LRRC53: variants seen among roughly 807,000 people sequenced by gnomAD.
LRRC53 encodes the protein leucine-rich repeat-containing protein 53.
A neutral mutation model predicts 13.6 loss-of-function variants in LRRC53; 25 were observed. The observed-to-expected ratio is 1.83, with a 90% CI of 1.34 to 2.56. LRRC53 has a LOEUF of 2.56. Ranked by LOEUF, LRRC53 falls within the 30% of genes most tolerant of loss-of-function variation. LRRC53 has a pLI of 0.00. For synonymous variants in LRRC53, 204 were observed against 109.8 expected, an observed-to-expected ratio of 1.86 and a Z score of -5.37; for missense variants, 527 against 275.8, an observed-to-expected ratio of 1.91 and a Z score of -6.45.
chr1:74,498,209 A>G (rs1335204421), intron 1 of LRRC53, among the ~76,000 whole-genome samples: 1 of 152,202 alleles, frequency 6.6e-6, no homozygotes, highest in Non-Finnish European at 1.5e-5. Context: ...TTATCCTACC[A>G]TCAACCTATC....
At chr1:74,529,617 T>C in the LRRC53 span, among the ~76,000 whole-genome samples, 409 of 152,360 alleles carry the variant, frequency 2.7e-3, 4 homozygotes, top group African/African-American at 9.5e-3. Flanking sequence ...ATTTTGGTTA[T>C]GTAGGAGGAT....
chr1:74,475,605 C>G lies in LRRC53; in HGVS notation c.1110G>C (p.Val370=). Reference sequence around the variant, plus strand: ...AAAGTGGCATTTCTTTTCTGGACCCCACAGTGGACATGACCTTTATCTCGT... The same window carrying G: ...AAAGTGGCATTTCTTTTCTGGACCCGACAGTGGACATGACCTTTATCTCGT... The part of the protein sequence containing the change: ...QENEIKVMST[V]GSRKEMPLLQ... The change falls in exon 4 of 5, where the codon GTG becomes GTC. Residue 370 remains valine (V), a synonymous_variant. Coordinates refer to ENST00000294635, the MANE Select transcript of LRRC53 (RefSeq NM_001382280.1). 1.4e-6 allele frequency: 1 copy of G among 717,254 alleles called. No homozygotes were observed. Among genetic ancestry groups the G allele is most frequent in the Non-Finnish European group, 2.6e-6 (1 of 384,932 alleles). 44.4% of individuals were successfully genotyped at this position (717,254 alleles called of 1,614,324 possible).
the LRRC53 span, among the ~76,000 whole-genome samples, chr1:74,518,282 C>A: frequency 6.6e-6 from 1 of 152,198 alleles, no homozygotes; most frequent in Non-Finnish European, 1.5e-5. Context: ...AGGTCATTAA[C>A]AGAAATTGAA....
upstream of LRRC53, among the ~76,000 whole-genome samples, chr1:74,516,088 G>T (rs935831969): frequency 1.3e-5 from 2 of 152,168 alleles, no homozygotes; most frequent in African/African-American, 4.8e-5. Flanking sequence ...CTTTGAGTTG[G>T]AACTAGGCTG....
intron 1 of LRRC53, among the ~76,000 whole-genome samples, chr1:74,497,873 C>T (rs1200649314): frequency 6.6e-6 from 1 of 152,090 alleles, no homozygotes; most frequent in East Asian, 1.9e-4. Context: ...GTCCGAAATC[C>T]TCAGTGATAC....
the LRRC53 span, among the ~76,000 whole-genome samples, chr1:74,520,368 G>A: frequency 2.0e-5 from 3 of 152,046 alleles, no homozygotes; most frequent in African/African-American, 4.8e-5. Context: ...ACTACTTCGC[G>A]TGAGTTCCAC....
the LRRC53 span, among the ~76,000 whole-genome samples, chr1:74,528,509 A>G: frequency 6.6e-6 from 1 of 152,154 alleles, no homozygotes; most frequent in Admixed American, 6.5e-5. Flanking sequence ...GGGAAAGGGT[A>G]CAACAGCAAT....
At chr1:74,480,010 G>A (rs1162260567) in intron 3 of LRRC53, 143 bp downstream of exon 3, 1 of 603,038 alleles carries the variant, frequency 1.7e-6, no homozygotes, top group East Asian at 2.7e-5. Context: ...TGCCAAATCA[G>A]CTAATATCCT....
intron 1 of LRRC53, among the ~76,000 whole-genome samples, chr1:74,484,537 A>T (rs1429988161): frequency 6.6e-6 from 1 of 152,158 alleles, no homozygotes; most frequent in East Asian, 1.9e-4. Context: ...GATCGCATTG[A>T]CTCGAGGGCT....
intron 4 of LRRC53, among the ~76,000 whole-genome samples, chr1:74,472,659 A>T (rs1667995648): frequency 6.6e-6 from 1 of 152,158 alleles, no homozygotes. Context: ...TTTGACAATG[A>T]AAGGGAAATA....
At chr1:74,484,251 T>C (rs1224054509) in intron 1 of LRRC53, among the ~76,000 whole-genome samples, 1 of 150,310 alleles carries the variant, frequency 6.7e-6, no homozygotes, top group Non-Finnish European at 1.5e-5. Flanking sequence ...AATAAAACCC[T>C]CTACCTATAT....
intron 1 of LRRC53, among the ~76,000 whole-genome samples, chr1:74,500,821 G>A (rs1363856883): frequency 2.0e-5 from 3 of 151,636 alleles, no homozygotes; most frequent in Admixed American, 6.6e-5. Context: ...CTTTGTTGCT[G>A]TTAAAATTTC....
At chr1:74,526,836 A>G in the LRRC53 span, among the ~76,000 whole-genome samples, 1 of 152,176 alleles carries the variant, frequency 6.6e-6, no homozygotes, top group African/African-American at 2.4e-5. Flanking sequence ...AGATTGGTAA[A>G]CTACAGCTCA....
At chr1:74,491,721 A>T (rs566614343) in intron 1 of LRRC53, among the ~76,000 whole-genome samples, 9 of 152,214 alleles carry the variant, frequency 5.9e-5, no homozygotes, top group Non-Finnish European at 1.2e-4. Context: ...AAAGGGAATA[A>T]TTTTAGCTAT....
rs546878965 is a variant in LRRC53, at chr1:74,484,474, T to C, written c.-26-1099A>G. On this transcript the variant is annotated intron_variant, in intron 1 of 4. Transcript: ENST00000294635. ...ATAAACAAATAATATAAAATATGTA[T>C]TAAGTCATATGGTGATAAATGCTCT... is the stretch of plus-strand genomic sequence containing the variant. Among the ~76,000 whole-genome samples the C allele has an allele frequency of 1.8e-3, 277 of 152,286 alleles. 2 individuals carry two copies. The highest frequency in any genetic ancestry group is 0.01 in the Middle Eastern group (3 of 294).
At chr1:74,509,097 A>G (rs1000009318) in intron 1 of LRRC53, among the ~76,000 whole-genome samples, 3 of 152,264 alleles carry the variant, frequency 2.0e-5, no homozygotes, top group Non-Finnish European at 2.9e-5. Flanking sequence ...TCTTCTTTTT[A>G]TCACTTATTC....
rs749359141 is a variant in LRRC53 at position 74,480,939 on chromosome 1, T to C, written c.118A>G (p.Ile40Val). Reference sequence around the variant, plus strand: ...ATAGAGGAGAGATATCCATCGGTGATGATTAAAACCCTCGTGGTCATAGGG... The same window carrying C: ...ATAGAGGAGAGATATCCATCGGTGACGATTAAAACCCTCGTGGTCATAGGG... Reference protein sequence around the residue: ...AAPMTTRVLIITDGYLSSIES... With the variant: ...AAPMTTRVLIVTDGYLSSIES... The change falls in exon 3 of 5, where the codon ATC becomes GTC. Residue 40 changes from isoleucine to valine, a missense_variant. Ile to Val is a conservative substitution (Grantham distance 29). Transcript: ENST00000294635. The C allele has an allele frequency of 2.4e-5, 17 of 716,678 alleles. 1 individual carries two copies. The highest frequency in any genetic ancestry group is 1.9e-4 in the South Asian group (13 of 67,526). The allele number at this position is 716,678 out of a possible 1,614,324, so 44.4% of individuals were successfully genotyped here. A position where few individuals can be genotyped will look rare whatever the true frequency, so the allele number is the denominator to read the frequency against.
At position 74,471,126 on chromosome 1, in the gene LRRC53, A is replaced by G. The variant is rs1299296896; in HGVS notation, c.2496T>C (p.Ile832=). Residue 832 remains isoleucine (I), a synonymous_variant, in exon 5 of 5, where the codon ATT becomes ATC. Transcript: ENST00000294635. ...GCAATTTTGATGTGTTTCCATCAGG[A>G]ATGTGGCCAGCTGAGTAACAGCTGC... ...IESSCYSAGH[I]PDGNTSKLPQ... 2.5e-6 allele frequency: 1 copy of G among 400,596 alleles called. No homozygotes were observed. The highest frequency in any genetic ancestry group is 4.4e-6 in the Non-Finnish European group (1 of 226,222). 24.8% of individuals were successfully genotyped at this position (400,596 alleles called of 1,614,324 possible). A position where few individuals can be genotyped will look rare whatever the true frequency, so the allele number is the denominator to read the frequency against.
the LRRC53 span, among the ~76,000 whole-genome samples, chr1:74,535,726 G>A: frequency 2.6e-5 from 4 of 152,224 alleles, no homozygotes; most frequent in African/African-American, 9.6e-5. Flanking sequence ...GATGTCTAAG[G>A]TTCAACTTAA....
Sources: gnomAD v4.1 joint callset for allele counts (sites outside exome capture counted in the v4.1 genomes callset) on GRCh38, gnomAD v4.1.1 for gene constraint, MANE v1.5 for transcripts, NCBI Gene and HGNC (gene_info 2026-07-23, HGNC 2026-07-21) for gene names.